The following SPIRE1 variants were observed in gnomAD, a reference collection of about 807,000 sequenced individuals.
The protein encoded by SPIRE1 is protein spire homolog 1.
SPIRE1 carries 40 observed loss-of-function variants against 94.1 expected under a neutral mutation model. That is an observed-to-expected ratio of 0.43 (90% CI 0.33 to 0.55). SPIRE1 has a LOEUF of 0.55. Among genes scored for constraint, SPIRE1 ranks in the 20% least tolerant of loss-of-function variants. The pLI is 0.06. For synonymous variants in SPIRE1, 376 were observed against 371.7 expected, an observed-to-expected ratio of 1.01 and a Z score of -0.13; for missense variants, 838 against 975.2, an observed-to-expected ratio of 0.86 and a Z score of 1.87.
intron 3 of SPIRE1, among the ~76,000 whole-genome samples, chr18:12,539,550 G>A (rs923182273): frequency 6.6e-6 from 1 of 151,444 alleles, no homozygotes; most frequent in East Asian, 1.9e-4. Flanking sequence ...ATAGTAATGG[G>A]TATCTCAGAC....
intron 3 of SPIRE1, among the ~76,000 whole-genome samples, chr18:12,543,026 C>T (rs568066190): frequency 6.6e-6 from 1 of 152,250 alleles, no homozygotes; most frequent in Admixed American, 6.5e-5. Context: ...TGGGGTTTCA[C>T]TATGTTGGCC....
chr18:12,460,311 C>T (rs1394085895), intron 12 of SPIRE1, among the ~76,000 whole-genome samples: 1 of 152,190 alleles, frequency 6.6e-6, no homozygotes, highest in African/African-American at 2.4e-5. Flanking sequence ...ACTGCCAACA[C>T]GAGGTGCCTT....
At chr18:12,576,126 C>G (rs1454702160) in intron 2 of SPIRE1, among the ~76,000 whole-genome samples, 1 of 151,958 alleles carries the variant, frequency 6.6e-6, no homozygotes, top group Admixed American at 6.6e-5. Context: ...TCGCTTGAAC[C>G]CAGGAGGGAG....
intron 2 of SPIRE1, among the ~76,000 whole-genome samples, chr18:12,607,211 A>G (rs12962476): frequency 0.39 from 59,070 of 152,024 alleles, 12,158 homozygotes; most frequent in East Asian, 0.6. Flanking sequence ...GACTTTAAAA[A>G]AAATAGCAGT....
In SPIRE1 at chr18:12,559,356, C is replaced by T. The variant is rs576341415; in HGVS notation, c.373-12452G>A. ...GGTGCTAAGCCTCTCATTGCCCGGG[C>T]CGGCGTCGCCAGCCGGCAGCTCTGA... On this transcript the variant is annotated intron_variant, in intron 2 of 16. Transcript: ENST00000409402. This position sits in a 1 kb window ranked among gnomAD's most constrained non-coding sequence, Gnocchi z 4.7. Among the ~76,000 whole-genome samples, 4 of 152,306 alleles carry T rather than the reference C, an allele frequency of 2.6e-5. No homozygotes were observed. The South Asian group carries it at 8.3e-4, about 32-fold the overall frequency.
chr18:12,487,353 C>T (rs181822759), intron 8 of SPIRE1, among the ~76,000 whole-genome samples: 71 of 151,750 alleles, frequency 4.7e-4, no homozygotes, highest in South Asian at 4.2e-4. Context: ...TGGCATATGT[C>T]TCCCCCTCAG....
At chr18:12,459,851 G>A (rs984942246) in intron 12 of SPIRE1, 2 of 985,794 alleles carry the variant, frequency 2.0e-6, no homozygotes, top group African/African-American at 3.5e-5. Flanking sequence ...GATGAGAGCT[G>A]AGCAGAGAAG....
intron 2 of SPIRE1, among the ~76,000 whole-genome samples, chr18:12,626,409 A>G (rs1249901701): frequency 6.6e-6 from 1 of 152,210 alleles, no homozygotes; most frequent in Non-Finnish European, 1.5e-5. Flanking sequence ...GTAATTTGGA[A>G]TCAGACTACT....
In SPIRE1 at chr18:12,565,076, T is replaced by C. The variant is rs111926261; in HGVS notation, c.373-18172A>G. On this transcript the variant is annotated intron_variant, in intron 2 of 16. Coordinates refer to ENST00000409402, the MANE Select transcript of SPIRE1 (RefSeq NM_001128626.2). ...CAGACATCAAACTACAGGTCCAAAA[T>C]TTTAAAGAACATCGAGCATGATAAA... Among the ~76,000 whole-genome samples the C allele has an allele frequency of 9.5e-3, 1,454 of 152,262 alleles. 26 individuals are homozygous for C. The highest frequency in any genetic ancestry group is 0.033 in the African/African-American group (1,375 of 41,542).
At position 12,454,468 on chromosome 18, in the gene SPIRE1, G is replaced by C. The variant is rs1453349558; in HGVS notation, c.1654C>G (p.Pro552Ala). Residue 552 changes from proline (P) to alanine (A), a missense_variant, in exon 13 of 17, where the codon CCA becomes GCA. Transcript: ENST00000409402. ...SSRSLEEFCY[P>A]VECLALTVEE... is the part of the protein sequence containing the mutation. Reference sequence around the variant, plus strand: ...ACAGTAAGAGCGAGGCATTCCACTGGGTAGCAGAATTCCTCCTGAAATTCA... The same window carrying C: ...ACAGTAAGAGCGAGGCATTCCACTGCGTAGCAGAATTCCTCCTGAAATTCA... The C allele has an allele frequency of 4.3e-6, 7 of 1,613,620 alleles. No homozygotes were observed. The highest frequency in any genetic ancestry group is 2.2e-5 in the East Asian group (1 of 44,868).
intron 2 of SPIRE1, among the ~76,000 whole-genome samples, chr18:12,625,933 C>G (rs2037609199): frequency 6.6e-6 from 1 of 152,058 alleles, no homozygotes; most frequent in African/African-American, 2.4e-5. Flanking sequence ...ATCCCAGCTA[C>G]TCAGGAGAAT....
At chr18:12,614,057 C>T (rs897900550) in intron 2 of SPIRE1, among the ~76,000 whole-genome samples, 3 of 152,022 alleles carry the variant, frequency 2.0e-5, no homozygotes, top group African/African-American at 7.2e-5. Context: ...GCCAAGAGTT[C>T]AAGACCAGCC....
chr18:12,647,716 T>C (rs949242539), intron 1 of SPIRE1, among the ~76,000 whole-genome samples: 17 of 152,312 alleles, frequency 1.1e-4, no homozygotes, highest in African/African-American at 3.8e-4. Context: ...ATCACATCAC[T>C]GCACTCCTGC....
chr18:12,536,869 C>T (rs773784346), intron 3 of SPIRE1, among the ~76,000 whole-genome samples: 2 of 152,218 alleles, frequency 1.3e-5, no homozygotes, highest in Non-Finnish European at 2.9e-5. Context: ...CACTAACAAG[C>T]TGTAAGTTCT....
At position 12,447,843 on chromosome 18, in the gene SPIRE1, C is replaced by T. The variant is rs1165889210; in HGVS notation, c.*1795G>A. On this transcript the variant is annotated 3_prime_UTR_variant, in exon 17 of 17. Transcript: ENST00000409402. ...TTATATACATATACAAATACCATTT[C>T]CTTCCCCCTTGTGCCCTTCTGGGTA... The T allele has an allele frequency of 6.6e-6, 1 of 152,136 alleles. No homozygotes were observed. The highest frequency in any genetic ancestry group is 1.5e-5 in the Non-Finnish European group (1 of 68,022). The allele number at this position is 152,136 out of a possible 1,614,324, so 9.4% of individuals were successfully genotyped here.
chr18:12,515,516 C>T (rs1490827479), intron 4 of SPIRE1, among the ~76,000 whole-genome samples: 7 of 151,654 alleles, frequency 4.6e-5, no homozygotes, highest in Non-Finnish European at 7.4e-5. Flanking sequence ...AACCCTGTCT[C>T]AAAAAAATAA....
At position 12,559,363 on chromosome 18, in the gene SPIRE1, C is replaced by T. The variant is rs1440779082; in HGVS notation, c.373-12459G>A. Among the ~76,000 whole-genome samples, 7 of 152,302 alleles carry T rather than the reference C, an allele frequency of 4.6e-5. No individual in the cohort carries two copies. The highest frequency in any genetic ancestry group is 6.5e-5 in the Admixed American group (1 of 15,310). Reference sequence around the variant, plus strand: ...AGCCTCTCATTGCCCGGGCCGGCGTCGCCAGCCGGCAGCTCTGAGTGCTGG... The same window carrying T: ...AGCCTCTCATTGCCCGGGCCGGCGTTGCCAGCCGGCAGCTCTGAGTGCTGG... On this transcript the variant is annotated intron_variant, in intron 2 of 16. Transcript: ENST00000409402. The surrounding 1 kb of genome is among the most constrained non-coding windows in gnomAD (Gnocchi z 4.7).
chr18:12,449,189 A>T lies in SPIRE1; in HGVS notation c.*449T>A. The T allele has an allele frequency of 6.3e-6, 1 of 158,036 alleles. No individual in the cohort carries two copies. The highest frequency in any genetic ancestry group is 6.1e-5 in the Admixed American group (1 of 16,328). The allele number at this position is 158,036 out of a possible 1,614,324, so 9.8% of individuals were successfully genotyped here. A position where few individuals can be genotyped will look rare whatever the true frequency, so the allele number is the denominator to read the frequency against. On this transcript the variant is annotated 3_prime_UTR_variant, in exon 17 of 17. Coordinates refer to ENST00000409402, the MANE Select transcript of SPIRE1 (RefSeq NM_001128626.2). ...CAGGTCGTGGAGTGTAGGGCTCTGG[A>T]TCTCTCTGTACACGGGATAGAAACA... is the stretch of plus-strand genomic sequence containing the variant.
At chr18:12,654,416 A>T (rs1366826012) in intron 1 of SPIRE1, among the ~76,000 whole-genome samples, 1 of 145,974 alleles carries the variant, frequency 6.9e-6, no homozygotes, top group Non-Finnish European at 1.5e-5. Flanking sequence ...GGAGGCCGAG[A>T]CGGGCGGATC....
Sources: allele counts gnomAD v4.1 joint callset (sites outside exome capture counted in the v4.1 genomes callset), GRCh38; gene constraint gnomAD v4.1.1; non-coding constraint Gnocchi (gnomAD v3.1); transcripts MANE v1.5; gene names NCBI Gene and HGNC (gene_info 2026-07-23, HGNC 2026-07-21).